EML4: variants seen among roughly 807,000 people sequenced by gnomAD.
EML4 encodes the protein EMAP like 4.
EML4 carries 72 observed loss-of-function variants against 129.0 expected under a neutral mutation model. The observed-to-expected ratio is 0.56, with a 90% CI of 0.46 to 0.68. EML4 has a LOEUF of 0.68. EML4 is among the 30% of genes least tolerant of loss of function. EML4 has a pLI of 0.00. For synonymous variants in EML4, 532 were observed against 405.0 expected (o/e 1.31, Z -3.77); for missense variants, 1,363 against 1,190.6 (o/e 1.14, Z -2.13).
In EML4 at chr2:42,295,577, C is replaced by T. The variant is rs1667901565; in HGVS notation, c.1489+61C>T. The T allele has an allele frequency of 3.4e-6, 5 of 1,461,354 alleles. No homozygotes were observed. The Admixed American group carries it at 6.0e-5, about 17-fold the overall frequency. The allele number at this position is 1,461,354 out of a possible 1,614,324, so 90.5% of individuals were successfully genotyped here. A position where few individuals can be genotyped will look rare whatever the true frequency, so the allele number is the denominator to read the frequency against. ...TTCTCACATAGTACTCTTTCAGTCCCATCTCTTAGACCAGGAGAGAAAGAG... is the reference window on the plus strand; with the variant it reads ...TTCTCACATAGTACTCTTTCAGTCCTATCTCTTAGACCAGGAGAGAAAGAG... On this transcript the variant is annotated intron_variant, in intron 13 of 22. Transcript: ENST00000318522.
chr2:42,253,728 A>G (rs1277666606), intron 2 of EML4, among the ~76,000 whole-genome samples: 2 of 152,210 alleles, frequency 1.3e-5, no homozygotes, highest in Non-Finnish European at 2.9e-5. Context: ...GGGGAAAAAA[A>G]AGACAAAAAA....
intron 1 of EML4, among the ~76,000 whole-genome samples, chr2:42,174,150 A>G (rs1670436599): frequency 6.6e-6 from 1 of 152,242 alleles, no homozygotes; most frequent in Non-Finnish European, 1.5e-5. Flanking sequence ...TGTAACATGT[A>G]AAACTTCAAT....
intron 10 of EML4, among the ~76,000 whole-genome samples, chr2:42,287,776 ACT>A (rs1667392333): frequency 6.6e-6 from 1 of 152,256 alleles, no homozygotes; most frequent in East Asian, 1.9e-4. Context: ...AAATCAGCAA[ACT>A]CTAAAATAGC....
intron 6 of EML4, among the ~76,000 whole-genome samples, chr2:42,278,988 T>C (rs1411298712): frequency 6.6e-6 from 1 of 152,192 alleles, no homozygotes; most frequent in Non-Finnish European, 1.5e-5. Flanking sequence ...TTTAACGTTT[T>C]AGTTTTAGAC....
At chr2:42,246,756 TC>T (rs1675426579) in intron 2 of EML4, among the ~76,000 whole-genome samples, 1 of 152,288 alleles carries the variant, frequency 6.6e-6, no homozygotes, top group South Asian at 2.1e-4. Context: ...CCAGCATAGT[TC>T]CACTGGGAGC....
Position 42,303,198 on chromosome 2 carries a change from C to G in EML4, c.1736C>G (p.Thr579Arg), listed in dbSNP as rs1389062197. The change falls in exon 15 of 23, where the codon ACA becomes AGA. Residue 579 changes from threonine to arginine, a missense_variant. Transcript: ENST00000318522. ...GTSRNFILRG[T>R]FNDGFQIEVQ... ...TCACGAAACTTTATTTTACGAGGAA[C>G]ATTTAATGATGGCTTCCAAATAGAA... is the stretch of plus-strand genomic sequence containing the variant. 6 of 1,614,010 alleles carry G rather than the reference C, an allele frequency of 3.7e-6. No individual in the cohort carries two copies. The highest frequency in any genetic ancestry group is 4.5e-5 in the East Asian group (2 of 44,886).
At chr2:42,179,251 T>C (rs1162716015) in intron 1 of EML4, among the ~76,000 whole-genome samples, 8 of 138,842 alleles carry the variant, frequency 5.8e-5, no homozygotes, top group African/African-American at 2.7e-5. Flanking sequence ...TTTTAAAACG[T>C]CGGGGAGCTG....
At chr2:42,282,086 C>A (rs569857842) in intron 7 of EML4, among the ~76,000 whole-genome samples, 14 of 152,206 alleles carry the variant, frequency 9.2e-5, no homozygotes, top group Non-Finnish European at 1.9e-4. Flanking sequence ...CCTTCTCTCT[C>A]TTTTTCTCTC....
intron 11 of EML4, 54 bp from the exon 12 acceptor site, chr2:42,295,071 C>G: frequency 6.9e-7 from 1 of 1,455,952 alleles, no homozygotes; most frequent in Non-Finnish European, 9.2e-7. Flanking sequence ...TGAATTGATA[C>G]TTGAAGGAGA....
intron 1 of EML4, among the ~76,000 whole-genome samples, chr2:42,205,148 T>G (rs1672470012): frequency 6.6e-6 from 1 of 152,226 alleles, no homozygotes; most frequent in African/African-American, 2.4e-5. Context: ...TCAACAAAGA[T>G]GATTCATGCA....
rs566561081 is a variant in EML4, at chr2:42,326,199, G to C, written c.2288G>C (p.Cys763Ser). Residue 763 changes from cysteine (C) to serine (S), a missense_variant, in exon 21 of 23, where the codon TGT becomes TCT. Coordinates refer to ENST00000318522, the MANE Select transcript of EML4 (RefSeq NM_019063.5). ...AAACTAATCAGGAATCGATCGGATT[G>C]TAAGGACATTGATTGGACGACATAT... is the stretch of plus-strand genomic sequence containing the variant. ...GCKLIRNRSD[C>S]KDIDWTTYTC... The C allele has an allele frequency of 9.9e-6, 16 of 1,613,802 alleles. No homozygotes were observed. In the African/African-American group the frequency reaches 1.9e-4, roughly 19 times the overall value.
chr2:42,281,892 C>T (rs1048839723), intron 7 of EML4, among the ~76,000 whole-genome samples: 26 of 152,304 alleles, frequency 1.7e-4, no homozygotes, highest in Admixed American at 6.5e-4. Flanking sequence ...CTTCCTCCCA[C>T]GTCCCTTGAA....
At chr2:42,271,243 C>G (rs1002918675) in intron 6 of EML4, among the ~76,000 whole-genome samples, 9 of 152,304 alleles carry the variant, frequency 5.9e-5, no homozygotes, top group African/African-American at 2.2e-4. Flanking sequence ...ATAACCATAA[C>G]TTGGATCCCT....
chr2:42,312,557 AT>A (rs35842539), intron 17 of EML4, among the ~76,000 whole-genome samples: 83,300 of 147,410 alleles, frequency 0.57, 23,744 homozygotes, highest in East Asian at 0.73. Flanking sequence ...GCCAATCAGA[AT>A]TTTTTTTTTT....
intron 11 of EML4, among the ~76,000 whole-genome samples, chr2:42,293,196 A>G (rs140750726): frequency 6.6e-6 from 1 of 151,406 alleles, no homozygotes; most frequent in Non-Finnish European, 1.5e-5. Context: ...GCAACCTCAA[A>G]CTCCTGGGCT....
At position 42,256,531 on chromosome 2, in the gene EML4, T is replaced by C; in HGVS notation, c.239T>C (p.Met80Thr). ...CCAAGCCCTCGAGCAGTTATTCCCA[T>C]GTCCTGTATAACCAATGGAAGTGGT... ...GQPSPRAVIP[M>T]SCITNGSGAN... is the part of the protein sequence containing the mutation. The change falls in exon 3 of 23, where the codon ATG (methionine) becomes ACG (threonine). Residue 80 changes from methionine (M) to threonine (T), a missense_variant. Transcript: ENST00000318522. 3.1e-6 allele frequency: 5 copies of C among 1,612,426 alleles called. No homozygotes were observed. Among genetic ancestry groups the C allele is most frequent in the Non-Finnish European group, 3.4e-6 (4 of 1,178,898 alleles).
intron 1 of EML4, among the ~76,000 whole-genome samples, chr2:42,224,064 T>G (rs1380849542): frequency 1.3e-5 from 2 of 152,140 alleles, no homozygotes; most frequent in Non-Finnish European, 2.9e-5. Context: ...TGTTTTGAGA[T>G]ATAATTCACA....
rs187724155 is a variant in EML4 at position 42,264,597 on chromosome 2, A to G, written c.642-109A>G. 2.0e-3 allele frequency: 1,387 copies of G among 696,854 alleles called. 15 individuals carry two copies. In the African/African-American group the frequency reaches 0.022, roughly 11 times the overall value. The allele number at this position is 696,854 out of a possible 1,614,324, so 43.2% of individuals were successfully genotyped here. On this transcript the variant is annotated intron_variant, in intron 5 of 22. Coordinates refer to ENST00000318522, the MANE Select transcript of EML4 (RefSeq NM_019063.5). ...TTCTTACTTTCACTTCCAGAGATTT[A>G]TCTAGATTATAGCCTAAGCATTAAA...
At chr2:42,277,466 A>G (rs776253581) in intron 6 of EML4, among the ~76,000 whole-genome samples, 4 of 152,156 alleles carry the variant, frequency 2.6e-5, no homozygotes, top group Non-Finnish European at 4.4e-5. Flanking sequence ...TTGAAACCAT[A>G]GTGTGGGAGG....
Sources: gnomAD v4.1 joint callset for allele counts (sites outside exome capture counted in the v4.1 genomes callset) on GRCh38, gnomAD v4.1.1 for gene constraint, MANE v1.5 for transcripts, NCBI Gene and HGNC (gene_info 2026-07-23, HGNC 2026-07-21) for gene names.